Variants in ROBO1 observed in about 807,000 individuals in gnomAD.
The protein encoded by ROBO1 is roundabout homolog 1.
In ROBO1, 149 loss-of-function variants were observed where a neutral mutation model predicts 195.9. The observed-to-expected ratio is 0.76, with a 90% CI of 0.67 to 0.87. The LOEUF is 0.87. Ranked by LOEUF, ROBO1 falls within the 40% of genes least tolerant of loss-of-function variation. ROBO1 has a pLI of 0.00. For missense variants in ROBO1, 1,933 were observed against 2,068.3 expected, an observed-to-expected ratio of 0.93 and a Z score of 1.27; for synonymous variants, 816 against 733.2, an observed-to-expected ratio of 1.11 and a Z score of -1.82.
intron 1 of ROBO1, among the ~76,000 whole-genome samples, chr3:79,641,978 C>T (rs1363695457): frequency 6.6e-6 from 1 of 152,124 alleles, no homozygotes; most frequent in African/African-American, 2.4e-5. Flanking sequence ...GTGATCATGT[C>T]ACTGTGCTCC....
chr3:79,765,645 A>G (rs1704945041), intron 1 of ROBO1, among the ~76,000 whole-genome samples: 1 of 152,158 alleles, frequency 6.6e-6, no homozygotes, highest in African/African-American at 2.4e-5. Flanking sequence ...GTGGATTTTC[A>G]ACTTTTTTTT....
chr3:79,077,302 G>T (rs965197913), intron 3 of ROBO1, among the ~76,000 whole-genome samples: 3 of 151,728 alleles, frequency 2.0e-5, no homozygotes, highest in African/African-American at 7.3e-5. Context: ...ACTATATGAG[G>T]ATGGAAAAAA....
chr3:79,473,160 C>T (rs1938373672), intron 2 of ROBO1, among the ~76,000 whole-genome samples: 1 of 152,066 alleles, frequency 6.6e-6, no homozygotes. Flanking sequence ...TAAGCTGGGG[C>T]CTAACTCCAA....
intron 2 of ROBO1, among the ~76,000 whole-genome samples, chr3:79,431,333 G>T (rs1181239108): frequency 6.6e-6 from 1 of 152,024 alleles, no homozygotes; most frequent in Non-Finnish European, 1.5e-5. Flanking sequence ...TGAGACTTTG[G>T]GATGTATATA....
chr3:79,149,357 C>T lies in ROBO1; in HGVS notation c.89-23818G>A, dbSNP rs1298185706. 3.3e-5 allele frequency among the ~76,000 whole-genome samples: 5 copies of T among 151,746 alleles called. No individual in the cohort carries two copies. The East Asian group carries it at 9.7e-4, about 29-fold the overall frequency. On this transcript the variant is annotated intron_variant, in intron 2 of 30. Transcript: ENST00000464233. ...CTTTCTTAGAATTTCTATCTCTCTG[C>T]TTATATTATCTATCTATTTTTGCAT...
At chr3:79,015,449 T>C (rs1410475823) in intron 3 of ROBO1, among the ~76,000 whole-genome samples, 1 of 141,552 alleles carries the variant, frequency 7.1e-6, no homozygotes, top group Non-Finnish European at 1.5e-5. Flanking sequence ...TCAAATCTCA[T>C]CCTAAGTTTG....
intron 8 of ROBO1, among the ~76,000 whole-genome samples, chr3:78,711,895 T>C (rs1235018723): frequency 6.6e-6 from 1 of 151,324 alleles, no homozygotes; most frequent in Non-Finnish European, 1.5e-5. Flanking sequence ...TCCAGTACCA[T>C]GAAAGAACCG....
intron 1 of ROBO1, among the ~76,000 whole-genome samples, chr3:79,596,715 G>A (rs1455719522): frequency 6.6e-6 from 1 of 151,976 alleles, no homozygotes; most frequent in African/African-American, 2.4e-5. Flanking sequence ...AAAGTAGATT[G>A]GAACCAACTC....
intron 2 of ROBO1, among the ~76,000 whole-genome samples, chr3:79,136,552 C>T (rs987084750): frequency 2.0e-5 from 3 of 152,186 alleles, no homozygotes; most frequent in African/African-American, 4.8e-5. Flanking sequence ...TTCTTTCCTA[C>T]TAATCAAGAG....
intron 3 of ROBO1, among the ~76,000 whole-genome samples, chr3:78,989,653 T>C (rs2077190884): frequency 6.6e-6 from 1 of 152,064 alleles, no homozygotes; most frequent in South Asian, 2.1e-4. Context: ...ATTAACTATT[T>C]TTAACAGAGG....
intron 26 of ROBO1, among the ~76,000 whole-genome samples, chr3:78,620,883 A>ATATATGTGTGTGTGTG (rs368794312): frequency 1.4e-5 from 2 of 144,624 alleles, no homozygotes; most frequent in East Asian, 2.0e-4. Flanking sequence ...ATATATATAT[A>ATATATGTGTGTGTGTG]TGTGTGTGTG....
chr3:79,147,580 C>A (rs1051412126), intron 2 of ROBO1, among the ~76,000 whole-genome samples: 41 of 152,032 alleles, frequency 2.7e-4, no homozygotes, highest in Admixed American at 2.0e-4. Flanking sequence ...TTAGGGAGAC[C>A]AGCCAGCATC....
At chr3:78,609,621 T>C (rs1703671104) in intron 28 of ROBO1, among the ~76,000 whole-genome samples, 1 of 152,232 alleles carries the variant, frequency 6.6e-6, no homozygotes, top group Admixed American at 6.5e-5. Flanking sequence ...TGCCTAATGT[T>C]ATATTCTATG....
intron 2 of ROBO1, among the ~76,000 whole-genome samples, chr3:79,521,790 G>T (rs963175856): frequency 6.6e-6 from 1 of 151,832 alleles, no homozygotes; most frequent in South Asian, 2.1e-4. Flanking sequence ...TCCCATCCAC[G>T]GTCTGCTCCT....
intron 4 of ROBO1, among the ~76,000 whole-genome samples, chr3:78,888,399 G>C (rs2036687593): frequency 6.6e-6 from 1 of 152,112 alleles, no homozygotes; most frequent in South Asian, 2.1e-4. Flanking sequence ...TTAAACTATT[G>C]AGCTACTACA....
At chr3:79,188,401 A>G (rs1177358925) in intron 2 of ROBO1, among the ~76,000 whole-genome samples, 1 of 152,002 alleles carries the variant, frequency 6.6e-6, no homozygotes, top group East Asian at 1.9e-4. Context: ...ATATATCATC[A>G]GGACAGAAAA....
chr3:79,402,444 C>T (rs34674528), intron 2 of ROBO1, among the ~76,000 whole-genome samples: 55,341 of 151,586 alleles, frequency 0.37, 10,771 homozygotes, highest in Admixed American at 0.49. Flanking sequence ...TGGTAAATAA[C>T]GCAGGCAAGT....
chr3:78,765,677 A>T (rs2083212632), intron 4 of ROBO1, among the ~76,000 whole-genome samples: 1 of 152,200 alleles, frequency 6.6e-6, no homozygotes, highest in Admixed American at 6.6e-5. Flanking sequence ...GTGTACTGTA[A>T]GATAAATATA....
chr3:79,525,546 A>G (rs1448000076), intron 2 of ROBO1, among the ~76,000 whole-genome samples: 3 of 147,116 alleles, frequency 2.0e-5, no homozygotes, highest in East Asian at 3.9e-4. Flanking sequence ...TCAGATATAT[A>G]TATATATATA....
Sources: gnomAD v4.1 joint callset for allele counts (sites outside exome capture counted in the v4.1 genomes callset) on GRCh38, gnomAD v4.1.1 for gene constraint, MANE v1.5 for transcripts, NCBI Gene and HGNC (gene_info 2026-07-23, HGNC 2026-07-21) for gene names.